CLOCK: variants seen among roughly 807,000 people sequenced by gnomAD.
CLOCK encodes clock circadian regulator, also known as circadian locomoter output cycles protein kaput.
In CLOCK, 43 loss-of-function variants were observed where a neutral mutation model predicts 118.4. The observed-to-expected ratio is 0.36, with a 90% CI of 0.28 to 0.47. The LOEUF is 0.47. Among genes scored for constraint, CLOCK ranks in the 20% least tolerant of loss-of-function variants. CLOCK has a pLI of 1.00. For missense variants in CLOCK, 846 were observed against 999.9 expected (o/e 0.85, Z 2.08); for synonymous variants, 326 against 339.2 (o/e 0.96, Z 0.43).
chr4:55,517,964 T>C (rs1729619878), intron 1 of CLOCK, among the ~76,000 whole-genome samples: 1 of 151,974 alleles, frequency 6.6e-6, no homozygotes, highest in African/African-American at 2.4e-5. Context: ...AAATGAAACA[T>C]GGTGGGGGGT....
chr4:55,493,606 A>C (rs1349600219), intron 2 of CLOCK, among the ~76,000 whole-genome samples: 1 of 152,236 alleles, frequency 6.6e-6, no homozygotes, highest in African/African-American at 2.4e-5. Flanking sequence ...CCAAATATTT[A>C]ATACTTTTTA....
chr4:55,479,671 C>A lies in CLOCK; in HGVS notation c.76G>T (p.Val26Leu), dbSNP rs772717371. Reference protein sequence around the residue: ...RDDSSIFDGLVEEDDKDKAKR... With the variant: ...RDDSSIFDGLLEEDDKDKAKR... ...GCTTTGTCCTTGTCATCTTCTTCCACCAACCCATCAAAAATACTACTGTCA... is the reference window on the plus strand; with the variant it reads ...GCTTTGTCCTTGTCATCTTCTTCCAACAACCCATCAAAAATACTACTGTCA... The change falls in exon 5 of 23, where the codon GTG (valine) becomes TTG (leucine). Residue 26 changes from valine (V) to leucine (L), a missense_variant. Val to Leu is a conservative substitution (Grantham distance 32). Around this residue, in one of 4 missense-constraint regions of CLOCK, gnomAD observed 246 missense variants for 300.2 expected, o/e 0.82. Coordinates refer to ENST00000513440, the MANE Select transcript of CLOCK (RefSeq NM_004898.4). 6.2e-7 allele frequency: 1 copy of A among 1,612,740 alleles called. No individual in the cohort carries two copies. The highest frequency in any genetic ancestry group is 1.3e-5 in the African/African-American group (1 of 74,882).
rs970769361 is a variant in CLOCK at position 55,526,651 on chromosome 4, GA to G, written c.-289-16587del. On this transcript the variant is annotated intron_variant, in intron 1 of 22. Transcript: ENST00000513440. ...GAAAAGGTGCAGTGTAGACAGTAAG[GA>G]AAAAAAAAGCTCTAGGCCGGGCACG... Among the ~76,000 whole-genome samples, 362 of 150,168 alleles carry G rather than the reference GA, an allele frequency of 2.4e-3. 2 individuals are homozygous for G. Among genetic ancestry groups the G allele is most frequent in the African/African-American group, 8.5e-3 (347 of 40,956 alleles).
chr4:55,455,899 T>A lies in CLOCK; in HGVS notation c.980A>T (p.His327Leu), dbSNP rs1724888758. ...DLENLAKCHE[H>L]LMQYGKGKSC... The stretch of plus-strand genomic sequence containing the variant: ...CAGAAATGTTAAAATCTACTTACAG[T>A]GCTCATGACATTTTGCCAAATTTTC... The change falls in exon 13 of 23, where the codon CAC (histidine) becomes CTC (leucine). Residue 327 changes from histidine to leucine, a missense_variant and splice_region_variant. Physicochemically the swap from His to Leu is moderately conservative, Grantham distance 99. Coordinates refer to ENST00000513440, the MANE Select transcript of CLOCK (RefSeq NM_004898.4). The A allele has an allele frequency of 6.3e-7, 1 of 1,599,640 alleles. No individual in the cohort carries two copies. The highest frequency in any genetic ancestry group is 8.6e-7 in the Non-Finnish European group (1 of 1,166,966).
chr4:55,452,790 T>TTCA, intron 15 of CLOCK: 1 of 277,060 alleles, frequency 3.6e-6, no homozygotes, highest in East Asian at 7.2e-5. Context: ...ATAATTCATA[T>TTCA]AAATAACCTA....
chr4:55,478,736 A>T, intron 6 of CLOCK, 79 bp downstream of exon 6: 4 of 1,401,234 alleles, frequency 2.9e-6, no homozygotes, highest in Non-Finnish European at 3.0e-6. Flanking sequence ...CCAAGGAAGC[A>T]TCCAATCTTA....
chr4:55,473,937 CCT>C (rs1430702031), intron 7 of CLOCK, among the ~76,000 whole-genome samples: 8 of 152,114 alleles, frequency 5.3e-5, no homozygotes, highest in African/African-American at 1.4e-4. Flanking sequence ...CTCCCCATTC[CCT>C]GAGACATACA....
At chr4:55,543,600 A>G (rs1430920691) in intron 1 of CLOCK, among the ~76,000 whole-genome samples, 1 of 152,106 alleles carries the variant, frequency 6.6e-6, no homozygotes, top group Non-Finnish European at 1.5e-5. Flanking sequence ...CTTATTATAT[A>G]TACACTGTAT....
chr4:55,513,123 C>T (rs1729270313), intron 1 of CLOCK, among the ~76,000 whole-genome samples: 1 of 152,136 alleles, frequency 6.6e-6, no homozygotes, highest in Non-Finnish European at 1.5e-5. Context: ...CACTGACTCA[C>T]CCTACGCAAC....
At chr4:55,478,552 T>C (rs557559996) in intron 6 of CLOCK, among the ~76,000 whole-genome samples, 64 of 152,310 alleles carry the variant, frequency 4.2e-4, no homozygotes, top group Middle Eastern at 3.4e-3. Flanking sequence ...CATTTGTAAT[T>C]ATGTGCTTAC....
intron 8 of CLOCK, among the ~76,000 whole-genome samples, chr4:55,469,046 C>A (rs1725931055): frequency 6.6e-6 from 1 of 152,112 alleles, no homozygotes; most frequent in Admixed American, 6.5e-5. Context: ...ATATACAGTA[C>A]ACATGTACAT....
chr4:55,495,321 C>T (rs73153636), intron 2 of CLOCK, among the ~76,000 whole-genome samples: 2 of 152,156 alleles, frequency 1.3e-5, no homozygotes, highest in Admixed American at 1.3e-4. Flanking sequence ...ACACTCTTCA[C>T]CTTACTTGCT....
rs1371163201 is a variant in CLOCK, at chr4:55,432,532, A to G, written c.*2883T>C. The G allele has an allele frequency of 2.3e-5, 3 of 131,582 alleles. No individual in the cohort carries two copies. The highest frequency in any genetic ancestry group is 3.2e-5 in the Non-Finnish European group (2 of 63,432). 8.2% of individuals were successfully genotyped at this position (131,582 alleles called of 1,614,324 possible). Reference sequence around the variant, plus strand: ...TTTCTATTTGGTATCTTTAAATGCTATAGATTTGGGATTTTAACTAACAGC... The same window carrying G: ...TTTCTATTTGGTATCTTTAAATGCTGTAGATTTGGGATTTTAACTAACAGC... On this transcript the variant is annotated 3_prime_UTR_variant, in exon 23 of 23. Transcript: ENST00000513440.
intron 1 of CLOCK, among the ~76,000 whole-genome samples, chr4:55,511,154 C>T (rs749766972): frequency 5.3e-5 from 8 of 152,158 alleles, no homozygotes; most frequent in Non-Finnish European, 1.0e-4. Flanking sequence ...AAAGTCTCAT[C>T]ACAATTCTCA....
At chr4:55,499,766 A>G (rs1728316108) in intron 2 of CLOCK, among the ~76,000 whole-genome samples, 1 of 152,254 alleles carries the variant, frequency 6.6e-6, no homozygotes, top group Admixed American at 6.5e-5. Context: ...GGTTTACACC[A>G]TAGTTCAGCT....
At chr4:55,437,723 G>A (rs926597181) in intron 22 of CLOCK, among the ~76,000 whole-genome samples, 1 of 152,130 alleles carries the variant, frequency 6.6e-6, no homozygotes, top group Admixed American at 6.5e-5. Context: ...CGCAGTACGT[G>A]GTGCAGCAGT....
At chr4:55,498,674 A>G (rs1577802161) in intron 2 of CLOCK, among the ~76,000 whole-genome samples, 1 of 152,092 alleles carries the variant, frequency 6.6e-6, no homozygotes, top group East Asian at 1.9e-4. Flanking sequence ...CAAGGTGTGG[A>G]AAATGGCAGG....
chr4:55,453,412 T>C (rs1331069099), intron 14 of CLOCK: 3 of 480,746 alleles, frequency 6.2e-6, no homozygotes, highest in Non-Finnish European at 1.1e-5. Flanking sequence ...CAGTTTTCCT[T>C]TTACATGACT....
intron 21 of CLOCK, among the ~76,000 whole-genome samples, chr4:55,441,766 G>A (rs1560414647): frequency 6.6e-6 from 1 of 152,158 alleles, no homozygotes; most frequent in East Asian, 1.9e-4. Context: ...ATATTGGATA[G>A]AATGTGCACT....
Sources: allele counts gnomAD v4.1 joint callset (sites outside exome capture counted in the v4.1 genomes callset), GRCh38; gene constraint gnomAD v4.1.1; regional missense constraint gnomAD v4.1.1; transcripts MANE v1.5; gene names NCBI Gene and HGNC (gene_info 2026-07-23, HGNC 2026-07-21).